The following ISG20 variants were observed in gnomAD, a reference collection of about 807,000 sequenced individuals.
ISG20 encodes the protein interferon-stimulated gene 20 kDa protein.
ISG20 carries 8 observed loss-of-function variants against 11.1 expected under a neutral mutation model. The ratio of observed to expected loss-of-function variants is 0.72; its 90% confidence interval spans 0.42 to 1.30. The LOEUF (loss-of-function observed/expected upper bound fraction) is 1.30. Ranked by LOEUF, ISG20 falls within the 50% of genes most tolerant of loss-of-function variation. The pLI, the probability that ISG20 is intolerant of heterozygous loss-of-function variation, is 0.01. For synonymous variants in ISG20, 110 were observed against 101.7 expected (o/e 1.08, Z -0.49); for missense variants, 243 against 250.2 (o/e 0.97, Z 0.19).
chr15:88,651,347 C>A (rs1208175255), intron 2 of ISG20: 50 of 931,306 alleles, frequency 5.4e-5, no homozygotes, highest in South Asian at 3.5e-4. Flanking sequence ...CACAGCAACA[C>A]AGATGTCTTC....
chr15:88,644,886 G>T (rs936821015), intron 2 of ISG20, among the ~76,000 whole-genome samples: 1 of 152,212 alleles, frequency 6.6e-6, no homozygotes, highest in African/African-American at 2.4e-5. Context: ...GAGAAAGGAG[G>T]CAGTAGAGCA....
rs2058041475 is a variant in ISG20 at position 88,639,375 on chromosome 15, G to T, written c.9G>T (p.Gly3=). Residue 3 remains glycine, a synonymous_variant, in exon 2 of 4, where the codon GGG becomes GGT. Coordinates refer to ENST00000306072, the MANE Select transcript of ISG20 (RefSeq NM_002201.6). The surrounding 1 kb of genome is among the most constrained non-coding windows in gnomAD (Gnocchi z 4.2). MA[G]SREVVAMDCE... is the part of the protein sequence containing the mutation. The stretch of plus-strand genomic sequence containing the variant: ...GAGGGTCCCCAAGGAACATGGCTGG[G>T]AGCCGTGAGGTGGTGGCCATGGACT... The T allele has an allele frequency of 6.2e-7, 1 of 1,611,778 alleles. No homozygotes were observed. Among genetic ancestry groups the T allele is most frequent in the Non-Finnish European group, 8.5e-7 (1 of 1,178,834 alleles).
Position 88,650,462 on chromosome 15 carries a change from C to T in ISG20, c.229-1648C>T, listed in dbSNP as rs2058254993. 1.4e-6 allele frequency: 2 copies of T among 1,449,258 alleles called. No individual in the cohort carries two copies. The highest frequency in any genetic ancestry group is 2.8e-5 in the African/African-American group (2 of 70,636). The allele number at this position is 1,449,258 out of a possible 1,614,324, so 89.8% of individuals were successfully genotyped here. A position where few individuals can be genotyped will look rare whatever the true frequency, so the allele number is the denominator to read the frequency against. ...GGATTCATCCCACTGGCTTCAAGGC[C>T]TGGCTTTGCCACTAACTAGCCGTGT... On this transcript the variant is annotated intron_variant, in intron 2 of 3. Coordinates refer to ENST00000306072, the MANE Select transcript of ISG20 (RefSeq NM_002201.6). The surrounding 1 kb of genome is among the most constrained non-coding windows in gnomAD (Gnocchi z 4.0).
chr15:88,639,617 G>A lies in ISG20; in HGVS notation c.228+23G>A, dbSNP rs749716328. Reference sequence around the variant, plus strand: ...GAGGTGAGTGAAGGCCCGGCCAGCAGGGGCTTTGGAAATAACCCCTCTCCC... The same window carrying A: ...GAGGTGAGTGAAGGCCCGGCCAGCAAGGGCTTTGGAAATAACCCCTCTCCC... On this transcript the variant is annotated intron_variant, in intron 2 of 3. Coordinates refer to ENST00000306072, the MANE Select transcript of ISG20 (RefSeq NM_002201.6). This position sits in a 1 kb window ranked among gnomAD's most constrained non-coding sequence, Gnocchi z 4.2. The A allele has an allele frequency of 1.3e-6, 2 of 1,595,848 alleles. No homozygotes were observed. The highest frequency in any genetic ancestry group is 1.7e-6 in the Non-Finnish European group (2 of 1,164,076).
Position 88,643,226 on chromosome 15 carries a change from G to A in ISG20, c.228+3632G>A, listed in dbSNP as rs1567115867. Among the ~76,000 whole-genome samples the A allele has an allele frequency of 6.6e-6, 1 of 151,580 alleles. No individual in the cohort carries two copies. On this transcript the variant is annotated intron_variant, in intron 2 of 3. Coordinates refer to ENST00000306072, the MANE Select transcript of ISG20 (RefSeq NM_002201.6). This position sits in a 1 kb window ranked among gnomAD's most constrained non-coding sequence, Gnocchi z 4.4. ...CTGCAGCCTGGGTAAGAGAGACCCT[G>A]TCTCTATTAAAAAATAATAATAATT...
chr15:88,643,708 A>C lies in ISG20; in HGVS notation c.228+4114A>C, dbSNP rs2058120407. On this transcript the variant is annotated intron_variant, in intron 2 of 3. Coordinates refer to ENST00000306072, the MANE Select transcript of ISG20 (RefSeq NM_002201.6). The surrounding 1 kb of genome is among the most constrained non-coding windows in gnomAD (Gnocchi z 4.4). ...CGACAGAGCAAGACCCCATCTCAAA[A>C]AAAGAAAAAATTACATCTGTGGCTT... Among the ~76,000 whole-genome samples the C allele has an allele frequency of 6.6e-6, 1 of 152,240 alleles. No homozygotes were observed. Among genetic ancestry groups the C allele is most frequent in the Admixed American group, 6.5e-5 (1 of 15,286 alleles).
chr15:88,650,254 C>A lies in ISG20; in HGVS notation c.229-1856C>A, dbSNP rs982798524. On this transcript the variant is annotated intron_variant, in intron 2 of 3. Coordinates refer to ENST00000306072, the MANE Select transcript of ISG20 (RefSeq NM_002201.6). This position sits in a 1 kb window ranked among gnomAD's most constrained non-coding sequence, Gnocchi z 4.0. ...TTTCAGGTCCCCTTCCCATCCTCTC[C>A]AACGGCAGCTGAGTGAAAGCAAGCT... 3.3e-6 allele frequency: 5 copies of A among 1,535,602 alleles called. No individual in the cohort carries two copies. In the African/African-American group the frequency reaches 6.8e-5, roughly 21 times the overall value.
chr15:88,650,103 G>A lies in ISG20; in HGVS notation c.229-2007G>A. The A allele has an allele frequency of 1.4e-6, 1 of 728,438 alleles. No individual in the cohort carries two copies. The highest frequency in any genetic ancestry group is 1.6e-5 in the South Asian group (1 of 62,676). 45.1% of individuals were successfully genotyped at this position (728,438 alleles called of 1,614,324 possible). A position where few individuals can be genotyped will look rare whatever the true frequency, so the allele number is the denominator to read the frequency against. On this transcript the variant is annotated intron_variant, in intron 2 of 3. Coordinates refer to ENST00000306072, the MANE Select transcript of ISG20 (RefSeq NM_002201.6). This position sits in a 1 kb window ranked among gnomAD's most constrained non-coding sequence, Gnocchi z 4.0. ...TTAGGCACCAGAAGGCTCTTTCCTG[G>A]TGTACAGGCTAAGGTCGTGGGCTAC... is the stretch of plus-strand genomic sequence containing the variant.
At chr15:88,641,926 CTTTTTTTTTTT>C (rs140178121) in intron 2 of ISG20, among the ~76,000 whole-genome samples, 1,252 of 102,864 alleles carry the variant, frequency 0.012, 26 homozygotes, top group African/African-American at 0.04. Flanking sequence ...TTAGCTTCCT[CTTTTTTTTTTT>C]TTTTTTTTTT....
Position 88,648,890 on chromosome 15 carries a change from C to G in ISG20, c.229-3220C>G, listed in dbSNP as rs142964943. ...TCCAGGAATTTGAGAGACTCCTCCC[C>G]CTGTGTTTGAAAGTGGCAAAGTCTG... On this transcript the variant is annotated intron_variant, in intron 2 of 3. Transcript: ENST00000306072. 4.6e-5 allele frequency: 7 copies of G among 152,398 alleles called. No homozygotes were observed. In the East Asian group the frequency reaches 1.4e-3, roughly 29 times the overall value. The allele number at this position is 152,398 out of a possible 1,614,324, so 9.4% of individuals were successfully genotyped here.
In ISG20 at chr15:88,650,654, A is replaced by G; in HGVS notation, c.229-1456A>G. 3.0e-6 allele frequency: 1 copy of G among 329,752 alleles called. No individual in the cohort carries two copies. Among genetic ancestry groups the G allele is most frequent in the South Asian group, 2.9e-5 (1 of 35,062 alleles). 20.4% of individuals were successfully genotyped at this position (329,752 alleles called of 1,614,324 possible). A position where few individuals can be genotyped will look rare whatever the true frequency, so the allele number is the denominator to read the frequency against. Reference sequence around the variant, plus strand: ...GAAGGCTGGGGGCTGGAACCATTGGAAGGTTTGCTCACCCACCTGTCTGGT... The same window carrying G: ...GAAGGCTGGGGGCTGGAACCATTGGGAGGTTTGCTCACCCACCTGTCTGGT... On this transcript the variant is annotated intron_variant, in intron 2 of 3. Transcript: ENST00000306072. This position sits in a 1 kb window ranked among gnomAD's most constrained non-coding sequence, Gnocchi z 4.0.
intron 2 of ISG20, among the ~76,000 whole-genome samples, chr15:88,642,771 C>T (rs1327470046): frequency 1.3e-5 from 2 of 152,190 alleles, no homozygotes; most frequent in Admixed American, 1.3e-4. Flanking sequence ...TGTGCACCAC[C>T]ACGCCTGGCT....
intron 2 of ISG20, among the ~76,000 whole-genome samples, chr15:88,642,677 C>T (rs573138505): frequency 5.3e-5 from 8 of 152,304 alleles, no homozygotes; most frequent in Non-Finnish European, 1.2e-4. Flanking sequence ...AGTGTGGCGG[C>T]GCGATCTCGG....
chr15:88,646,665 C>A (rs1420606779), intron 2 of ISG20, among the ~76,000 whole-genome samples: 1 of 152,196 alleles, frequency 6.6e-6, no homozygotes, highest in Non-Finnish European at 1.5e-5. Flanking sequence ...GTGCTGAGGG[C>A]CCCCAAAGGG....
chr15:88,642,765 C>T (rs891581179), intron 2 of ISG20, among the ~76,000 whole-genome samples: 5 of 152,186 alleles, frequency 3.3e-5, no homozygotes, highest in African/African-American at 1.2e-4. Flanking sequence ...AGTAGCTGTG[C>T]ACCACCACGC....
At chr15:88,644,532 C>CAAAA (rs373461017) in intron 2 of ISG20, among the ~76,000 whole-genome samples, 6 of 89,154 alleles carry the variant, frequency 6.7e-5, no homozygotes, top group Admixed American at 1.2e-4. Context: ...ACTTAGTCTC[C>CAAAA]AAAAAAAAAA....
intron 2 of ISG20, among the ~76,000 whole-genome samples, chr15:88,645,036 A>G (rs956242082): frequency 1.3e-5 from 2 of 152,148 alleles, no homozygotes; most frequent in Non-Finnish European, 2.9e-5. Context: ...CAGTTAGAGG[A>G]TATGCCAACT....
intron 2 of ISG20, chr15:88,651,443 G>T: frequency 2.9e-6 from 1 of 347,776 alleles, no homozygotes; most frequent in Non-Finnish European, 4.0e-6. Context: ...CCTTCTGGAT[G>T]CTCTGGGGAA....
intron 2 of ISG20, among the ~76,000 whole-genome samples, chr15:88,641,604 CTG>C (rs1257505477): frequency 6.6e-6 from 1 of 152,154 alleles, no homozygotes; most frequent in Admixed American, 6.5e-5. Flanking sequence ...GGCATTCTCT[CTG>C]TGTGTGTCCA....
Sources: gnomAD v4.1 joint callset for allele counts (sites outside exome capture counted in the v4.1 genomes callset) on GRCh38, gnomAD v4.1.1 for gene constraint, Gnocchi (gnomAD v3.1) non-coding constraint, MANE v1.5 for transcripts, NCBI Gene and HGNC (gene_info 2026-07-23, HGNC 2026-07-21) for gene names.